VIRMA: variants seen among roughly 807,000 people sequenced by gnomAD.
VIRMA encodes vir like m6A methyltransferase associated.
In VIRMA, 65 loss-of-function variants were observed where a neutral mutation model predicts 182.4. The observed-to-expected ratio is 0.36, with a 90% CI of 0.29 to 0.44. The LOEUF is 0.44. Ranked by LOEUF, VIRMA falls within the 20% of genes least tolerant of loss-of-function variation. The pLI is 1.00. For synonymous variants in VIRMA, 709 were observed against 743.1 expected, an observed-to-expected ratio of 0.95 and a Z score of 0.75; for missense variants, 1,752 against 2,158.1, an observed-to-expected ratio of 0.81 and a Z score of 3.73.
chr8:94,535,523 G>A (rs1038692042), intron 4 of VIRMA, among the ~76,000 whole-genome samples: 1 of 152,136 alleles, frequency 6.6e-6, no homozygotes, highest in Non-Finnish European at 1.5e-5. Context: ...AGTGGCTCAC[G>A]CCTGTAATTT....
At chr8:94,523,659 G>A (rs184723590) in intron 8 of VIRMA, among the ~76,000 whole-genome samples, 3 of 151,864 alleles carry the variant, frequency 2.0e-5, no homozygotes, top group African/African-American at 4.8e-5. Context: ...ACGGAGTTTC[G>A]CTCTTGTCGC....
chr8:94,521,870 T>C (rs1814782620), intron 8 of VIRMA, among the ~76,000 whole-genome samples: 1 of 152,198 alleles, frequency 6.6e-6, no homozygotes, highest in Non-Finnish European at 1.5e-5. Context: ...ATCCCCCTTA[T>C]GGACCATTCA....
At chr8:94,515,098 CTTTTT>C in intron 10 of VIRMA, 147 bp from the exon 11 acceptor site, 1 of 314,832 alleles carries the variant, frequency 3.2e-6, no homozygotes, top group Non-Finnish European at 5.7e-6. Context: ...GCATCTAATT[CTTTTT>C]TTTTTTTTTG....
intron 5 of VIRMA, among the ~76,000 whole-genome samples, chr8:94,531,671 T>C (rs761421806): frequency 2.4e-4 from 37 of 152,314 alleles, no homozygotes; most frequent in Non-Finnish European, 4.4e-4. Context: ...TACCAAAACA[T>C]AATGTATACA....
intron 16 of VIRMA, among the ~76,000 whole-genome samples, chr8:94,505,861 T>C (rs1301096096): frequency 6.6e-6 from 1 of 152,098 alleles, no homozygotes; most frequent in South Asian, 2.1e-4. Flanking sequence ...CAGCTCTCCA[T>C]ACCCATGGAT....
At chr8:94,500,169 G>T (rs1813920504) in intron 16 of VIRMA, among the ~76,000 whole-genome samples, 1 of 151,838 alleles carries the variant, frequency 6.6e-6, no homozygotes, top group Non-Finnish European at 1.5e-5. Flanking sequence ...GGAGGTCGAG[G>T]CGGGCAGATC....
chr8:94,499,669 A>G (rs1813899450), intron 16 of VIRMA, among the ~76,000 whole-genome samples, 163 bp from the exon 17 acceptor site: 1 of 152,202 alleles, frequency 6.6e-6, no homozygotes, highest in South Asian at 2.1e-4. Context: ...ATAACAAAGA[A>G]CCGTCAATAG....
In VIRMA at chr8:94,506,521, T is replaced by A; in HGVS notation, c.4076A>T (p.Tyr1359Phe). 1 of 1,608,386 alleles carries A rather than the reference T, an allele frequency of 6.2e-7. No homozygotes were observed. The highest frequency in any genetic ancestry group is 8.5e-7 in the Non-Finnish European group (1 of 1,175,718). ...RTMMFLAEHD[Y>F]GLFHLKSSLR... ...TTACCTTTTTAAATGAAATAATCCA[T>A]AATCATGCTCTGCAAGAAACATCAT... The change falls in exon 16 of 24, where the codon TAT (tyrosine) becomes TTT (phenylalanine). Residue 1359 changes from tyrosine (Y) to phenylalanine (F), a missense_variant. Tyr to Phe is a conservative substitution (Grantham distance 22). Transcript: ENST00000297591.
chr8:94,503,588 A>G (rs1000884643), intron 16 of VIRMA, among the ~76,000 whole-genome samples: 1 of 152,184 alleles, frequency 6.6e-6, no homozygotes, highest in Admixed American at 6.5e-5. Context: ...TGGATCCTGG[A>G]ACAGGAAAAA....
intron 8 of VIRMA, 73 bp downstream of exon 8, chr8:94,526,150 A>G (rs1029788981): frequency 3.7e-5 from 45 of 1,232,110 alleles, no homozygotes; most frequent in Non-Finnish European, 4.7e-5. Context: ...TCAGATAAAA[A>G]GCAAAATCAA....
rs768041055 is a variant in VIRMA, at chr8:94,526,193, TTTATTTCCCAAA to T, written c.2021+18_2021+29del. 7.3e-5 allele frequency: 111 copies of T among 1,515,280 alleles called. No individual in the cohort carries two copies. The highest frequency in any genetic ancestry group is 8.9e-5 in the Non-Finnish European group (100 of 1,126,024). The allele number at this position is 1,515,280 out of a possible 1,614,324, so 93.9% of individuals were successfully genotyped here. On this transcript the variant is annotated intron_variant, in intron 8 of 23. Coordinates refer to ENST00000297591, the MANE Select transcript of VIRMA (RefSeq NM_015496.5). ...AAATTGTCTCCAATGATTTGTGAAA[TTTATTTCCCAAA>T]AGGCAAACATGTCTTACCTAAAGAG...
rs144629345 is a variant in VIRMA at position 94,523,960 on chromosome 8, G to A, written c.2021+2263C>T. On this transcript the variant is annotated intron_variant, in intron 8 of 23. Transcript: ENST00000297591. ...GGCACATTCCACCAAAGCCCGGCTA[G>A]TTTTTGTGTGTGTCTGTGTGTGTGT... is the stretch of plus-strand genomic sequence containing the variant. Among the ~76,000 whole-genome samples, 508 of 148,108 alleles carry A rather than the reference G, an allele frequency of 3.4e-3. 1 individual carries two copies. The highest frequency in any genetic ancestry group is 0.012 in the African/African-American group (491 of 40,364).
chr8:94,509,955 A>T lies in VIRMA; in HGVS notation c.3627-15T>A, dbSNP rs1325891112. ...CTTCTGAAGTGCTGAAATAAAATCGATACATTTAGTAAACAAAGTTCTTGA... is the reference window on the plus strand; with the variant it reads ...CTTCTGAAGTGCTGAAATAAAATCGTTACATTTAGTAAACAAAGTTCTTGA... On this transcript the variant is annotated splice_polypyrimidine_tract_variant and intron_variant, in intron 14 of 23. Transcript: ENST00000297591. 6.3e-7 allele frequency: 1 copy of T among 1,590,588 alleles called. No homozygotes were observed. Among genetic ancestry groups the T allele is most frequent in the Non-Finnish European group, 8.5e-7 (1 of 1,170,140 alleles).
intron 16 of VIRMA, among the ~76,000 whole-genome samples, chr8:94,506,173 T>C (rs1340413352): frequency 6.6e-6 from 1 of 152,172 alleles, no homozygotes; most frequent in Non-Finnish European, 1.5e-5. Flanking sequence ...CCCTCTAGCA[T>C]CCATCACTTC....
At chr8:94,535,028 A>T in intron 4 of VIRMA, 21 bp from the exon 5 acceptor site, 1 of 1,553,912 alleles carries the variant, frequency 6.4e-7, no homozygotes, top group Non-Finnish European at 8.7e-7. Flanking sequence ...GGGAGGGCAA[A>T]AAAAATCTTT....
chr8:94,500,873 A>G (rs1351665459), intron 16 of VIRMA, among the ~76,000 whole-genome samples: 1 of 152,156 alleles, frequency 6.6e-6, no homozygotes, highest in Non-Finnish European at 1.5e-5. Context: ...GATAAGAACT[A>G]CATGACTCTA....
rs1813647476 is a variant in VIRMA at position 94,492,803 on chromosome 8, T to G, written c.4657A>C (p.Ile1553Leu). ...TDLDLVKVDLIELSEKCCSDF... is the reference protein window; with the variant it reads ...TDLDLVKVDLLELSEKCCSDF... ...CTACAGCATTTTTCAGAGAGTTCAA[T>G]TAAGTCAACCTTTACCTGCAGTCAT... The change falls in exon 21 of 24, where the codon ATT becomes CTT. Residue 1553 changes from isoleucine to leucine, a missense_variant. Ile to Leu is a conservative substitution (Grantham distance 5). Coordinates refer to ENST00000297591, the MANE Select transcript of VIRMA (RefSeq NM_015496.5). The G allele has an allele frequency of 1.2e-6, 2 of 1,613,328 alleles. No homozygotes were observed. Among genetic ancestry groups the G allele is most frequent in the Non-Finnish European group, 1.7e-6 (2 of 1,179,524 alleles).
At chr8:94,511,098 G>A in intron 13 of VIRMA, 87 bp downstream of exon 13, 1 of 1,515,746 alleles carries the variant, frequency 6.6e-7, no homozygotes, top group South Asian at 1.4e-5. Context: ...AGGGAGATGA[G>A]GGTTTTTGTT....
chr8:94,493,689 G>A (rs1357715553), intron 20 of VIRMA, among the ~76,000 whole-genome samples: 1 of 152,176 alleles, frequency 6.6e-6, no homozygotes, highest in Non-Finnish European at 1.5e-5. Context: ...TAATTGAATT[G>A]TATGTGGTTT....
Sources: gnomAD v4.1 joint callset for allele counts (sites outside exome capture counted in the v4.1 genomes callset) on GRCh38, gnomAD v4.1.1 for gene constraint, MANE v1.5 for transcripts, NCBI Gene and HGNC (gene_info 2026-07-23, HGNC 2026-07-21) for gene names.